CDH4: variants seen among roughly 807,000 people sequenced by gnomAD.
CDH4 encodes cadherin 4, also known as cadherin-4.
In CDH4, 33 loss-of-function variants were observed where a neutral mutation model predicts 86.0. The observed-to-expected ratio is 0.38, with a 90% CI of 0.29 to 0.51. The LOEUF (loss-of-function observed/expected upper bound fraction) is 0.51. Among genes scored for constraint, CDH4 ranks in the 20% least tolerant of loss-of-function variants. CDH4 has a pLI of 0.86. For missense variants in CDH4, 1,114 were observed against 1,307.4 expected, an observed-to-expected ratio of 0.85 and a Z score of 2.28; for synonymous variants, 555 against 549.4, an observed-to-expected ratio of 1.01 and a Z score of -0.14.
At chr20:61,774,760 G>C (rs937178503) in intron 4 of CDH4, among the ~76,000 whole-genome samples, 1 of 152,086 alleles carries the variant, frequency 6.6e-6, no homozygotes, top group Non-Finnish European at 1.5e-5. Context: ...CCACTTATAA[G>C]TGAGAACATG....
At chr20:61,872,433 G>A (rs1983845650) in intron 6 of CDH4, among the ~76,000 whole-genome samples, 1 of 152,176 alleles carries the variant, frequency 6.6e-6, no homozygotes. Flanking sequence ...CCCAAGGCTG[G>A]TGTGGCGAGA....
intron 9 of CDH4, among the ~76,000 whole-genome samples, chr20:61,918,526 G>T (rs894355424): frequency 2.0e-5 from 3 of 152,122 alleles, no homozygotes; most frequent in African/African-American, 7.2e-5. Context: ...CAGGGTGGGG[G>T]TCATGAACCA....
chr20:61,574,431 T>C (rs1318383872), intron 2 of CDH4, among the ~76,000 whole-genome samples: 6 of 152,196 alleles, frequency 3.9e-5, no homozygotes, highest in Non-Finnish European at 8.8e-5. Context: ...GCACAGCCTT[T>C]AAATTGCTGC....
At chr20:61,696,593 G>A (rs2087717438) in intron 2 of CDH4, among the ~76,000 whole-genome samples, 2 of 152,218 alleles carry the variant, frequency 1.3e-5, no homozygotes, top group Non-Finnish European at 2.9e-5. Flanking sequence ...CCTGGGTCAG[G>A]GAGGGCAGGA....
intron 2 of CDH4, among the ~76,000 whole-genome samples, chr20:61,486,126 C>T (rs2085595228): frequency 1.3e-5 from 2 of 152,204 alleles, no homozygotes; most frequent in Non-Finnish European, 2.9e-5. Flanking sequence ...ATTCATAAAA[C>T]ACACAAAAGA....
At chr20:61,483,327 G>A (rs192747425) in intron 2 of CDH4, among the ~76,000 whole-genome samples, 2 of 152,302 alleles carry the variant, frequency 1.3e-5, no homozygotes, top group African/African-American at 4.8e-5. Flanking sequence ...ATCTGTGTTT[G>A]TGGCTTTTCT....
intron 2 of CDH4, among the ~76,000 whole-genome samples, chr20:61,473,020 G>T (rs1305486809): frequency 3.3e-5 from 5 of 152,154 alleles, no homozygotes; most frequent in Non-Finnish European, 7.4e-5. Flanking sequence ...TGGGGCAGGG[G>T]AGGGGAGGGG....
At position 61,681,953 on chromosome 20, in the gene CDH4, G is replaced by A. The variant is rs2087519753; in HGVS notation, c.170-61610G>A. Among the ~76,000 whole-genome samples, 1 of 152,212 alleles carries A rather than the reference G, an allele frequency of 6.6e-6. No homozygotes were observed. The highest frequency in any genetic ancestry group is 1.5e-5 in the Non-Finnish European group (1 of 68,032). On this transcript the variant is annotated intron_variant, in intron 2 of 15. Transcript: ENST00000614565. This position sits in a 1 kb window ranked among gnomAD's most constrained non-coding sequence, Gnocchi z 4.5. ...CTGCCTGTGACCCCAGGGCAATCTGGGTTGTCATTGCAGAAGGAAGCCCAG... is the reference window on the plus strand; with the variant it reads ...CTGCCTGTGACCCCAGGGCAATCTGAGTTGTCATTGCAGAAGGAAGCCCAG...
chr20:61,619,696 C>A (rs150701122), intron 2 of CDH4, among the ~76,000 whole-genome samples: 22 of 152,192 alleles, frequency 1.4e-4, no homozygotes, highest in Non-Finnish European at 2.6e-4. Context: ...TATGTCAAGC[C>A]GTTGTGATCT....
chr20:61,868,409 G>A (rs1024742470), intron 6 of CDH4, among the ~76,000 whole-genome samples: 31 of 152,112 alleles, frequency 2.0e-4, no homozygotes, highest in African/African-American at 7.2e-4. Context: ...AGCTTCTAAT[G>A]GGGCAGGGGC....
rs545729744 is a variant in CDH4 at position 61,708,426 on chromosome 20, C to T, written c.170-35137C>T. Among the ~76,000 whole-genome samples the T allele has an allele frequency of 6.6e-6, 1 of 152,212 alleles. No individual in the cohort carries two copies. Among genetic ancestry groups the T allele is most frequent in the South Asian group, 2.1e-4 (1 of 4,824 alleles). ...TGGGTCACAGACACAGGCTTCCCAG[C>T]CAGGGCGACTGCAGCATCCACCTCC... On this transcript the variant is annotated intron_variant, in intron 2 of 15. Transcript: ENST00000614565. This position sits in a 1 kb window ranked among gnomAD's most constrained non-coding sequence, Gnocchi z 4.5.
intron 2 of CDH4, among the ~76,000 whole-genome samples, chr20:61,711,150 A>AT (rs2087887973): frequency 6.6e-6 from 1 of 152,176 alleles, no homozygotes; most frequent in Non-Finnish European, 1.5e-5. Context: ...CATGATATTG[A>AT]GTGCGTTCTC....
At chr20:61,667,899 C>T (rs1184743042) in intron 2 of CDH4, among the ~76,000 whole-genome samples, 1 of 152,128 alleles carries the variant, frequency 6.6e-6, no homozygotes, top group Admixed American at 6.5e-5. Flanking sequence ...GCGGAGGGAC[C>T]CCACCAAGTC....
chr20:61,257,370 C>A (rs1280920669), intron 2 of CDH4, among the ~76,000 whole-genome samples: 1 of 152,240 alleles, frequency 6.6e-6, no homozygotes, highest in African/African-American at 2.4e-5. Flanking sequence ...AAAGCATTTG[C>A]ATTCTAAAAA....
chr20:61,931,384 C>G (rs112440632), intron 13 of CDH4, among the ~76,000 whole-genome samples: 1 of 152,348 alleles, frequency 6.6e-6, no homozygotes, highest in African/African-American at 2.4e-5. Flanking sequence ...GCAGGCAGGG[C>G]GATGCCGCCA....
chr20:61,762,405 C>T (rs910677940), intron 3 of CDH4, among the ~76,000 whole-genome samples: 1 of 152,226 alleles, frequency 6.6e-6, no homozygotes, highest in Admixed American at 6.5e-5. Context: ...ACCCACTGTT[C>T]ACCCACATTT....
At chr20:61,772,190 G>A (rs1430103613) in intron 3 of CDH4, among the ~76,000 whole-genome samples, 1 of 151,724 alleles carries the variant, frequency 6.6e-6, no homozygotes, top group African/African-American at 2.4e-5. Flanking sequence ...GAGAGATGAA[G>A]GCACTTTGCC....
chr20:61,301,017 G>A (rs1273976617), intron 2 of CDH4, among the ~76,000 whole-genome samples: 2 of 152,172 alleles, frequency 1.3e-5, no homozygotes, highest in South Asian at 2.1e-4. Context: ...CTCACCCCAC[G>A]GTTAATCCCA....
chr20:61,704,274 CAGA>C (rs2145889292), intron 2 of CDH4, among the ~76,000 whole-genome samples: 1 of 152,170 alleles, frequency 6.6e-6, no homozygotes, highest in African/African-American at 2.4e-5. Flanking sequence ...CCTTCCCAAG[CAGA>C]AGTAGTGGCA....
Sources: gnomAD v4.1 joint callset for allele counts (sites outside exome capture counted in the v4.1 genomes callset) on GRCh38, gnomAD v4.1.1 for gene constraint, Gnocchi (gnomAD v3.1) non-coding constraint, MANE v1.5 for transcripts, NCBI Gene and HGNC (gene_info 2026-07-23, HGNC 2026-07-21) for gene names.